The following CTNNA2 variants were observed in gnomAD, a reference collection of about 807,000 sequenced individuals.
The protein encoded by CTNNA2 is catenin alpha 2.
CTNNA2 carries 42 observed loss-of-function variants against 101.0 expected under a neutral mutation model. The ratio of observed to expected loss-of-function variants is 0.42; its 90% CI spans 0.32 to 0.54. The LOEUF (loss-of-function observed/expected upper bound fraction) is 0.54. Ranked by LOEUF, CTNNA2 falls within the 20% of genes least tolerant of loss-of-function variation. CTNNA2 has a pLI of 0.14. For missense variants in CTNNA2, 871 were observed against 1,223.1 expected, an observed-to-expected ratio of 0.71 and a Z score of 4.29; for synonymous variants, 450 against 456.4, an observed-to-expected ratio of 0.99 and a Z score of 0.18.
At chr2:80,099,508 G>T (rs952122016) in intron 7 of CTNNA2, among the ~76,000 whole-genome samples, 1 of 152,156 alleles carries the variant, frequency 6.6e-6, no homozygotes, top group Non-Finnish European at 1.5e-5. Context: ...TCATCCTGGA[G>T]ATGAATTTAC....
chr2:80,566,108 A>G (rs1356063832), intron 12 of CTNNA2, among the ~76,000 whole-genome samples: 1 of 152,208 alleles, frequency 6.6e-6, no homozygotes, highest in Non-Finnish European at 1.5e-5. Flanking sequence ...AGTTTTACTT[A>G]TGGCATAGCA....
chr2:80,472,050 C>T (rs1685348956), intron 9 of CTNNA2, among the ~76,000 whole-genome samples: 2 of 151,626 alleles, frequency 1.3e-5, no homozygotes, highest in African/African-American at 2.4e-5. Context: ...TTACTTGAAT[C>T]TGGGAGGCAG....
chr2:80,291,700 C>G (rs949842391), intron 7 of CTNNA2, among the ~76,000 whole-genome samples: 3 of 152,164 alleles, frequency 2.0e-5, no homozygotes, highest in Non-Finnish European at 4.4e-5. Context: ...AGTTTTTCAC[C>G]TCCAGGAATT....
chr2:79,831,731 A>T, intron 3 of CTNNA2, among the ~76,000 whole-genome samples: 2 of 142,978 alleles, frequency 1.4e-5, no homozygotes, highest in African/African-American at 5.5e-5. Context: ...GTGTTTATTC[A>T]CTGAGAGTAC....
At chr2:80,628,080 A>G (rs1198815517) in intron 18 of CTNNA2, among the ~76,000 whole-genome samples, 1 of 152,186 alleles carries the variant, frequency 6.6e-6, no homozygotes, top group Non-Finnish European at 1.5e-5. Flanking sequence ...CTCTTCAAGG[A>G]GAACTACAAA....
At chr2:80,180,083 G>A (rs182117241) in intron 7 of CTNNA2, among the ~76,000 whole-genome samples, 24 of 152,256 alleles carry the variant, frequency 1.6e-4, no homozygotes, top group Admixed American at 5.2e-4. Context: ...AGTAGTCCCC[G>A]AAAGTTCTGA....
At chr2:80,404,227 G>T (rs1367286933) in intron 8 of CTNNA2, among the ~76,000 whole-genome samples, 2 of 152,106 alleles carry the variant, frequency 1.3e-5, no homozygotes, top group African/African-American at 4.8e-5. Context: ...TTACATTTCT[G>T]TGGGGTCAGT....
At chr2:79,395,153 G>T (rs1267893069) in intron 4 of CTNNA2, among the ~76,000 whole-genome samples, 2 of 152,040 alleles carry the variant, frequency 1.3e-5, no homozygotes, top group Admixed American at 6.6e-5. Context: ...GGTAGCTAAG[G>T]TCACCACGAT....
chr2:79,951,352 A>C (rs1688866547), intron 7 of CTNNA2, among the ~76,000 whole-genome samples: 1 of 152,182 alleles, frequency 6.6e-6, no homozygotes, highest in Non-Finnish European at 1.5e-5. Flanking sequence ...CCCAATAATT[A>C]AATTTACCCC....
At position 79,201,096 on chromosome 2, in the gene CTNNA2, CT is replaced by C. The variant is rs372066926; in HGVS notation, c.-406+3027del. Among the ~76,000 whole-genome samples, 101 of 152,044 alleles carry C rather than the reference CT, an allele frequency of 6.6e-4. 1 individual carries two copies. In the South Asian group the frequency reaches 0.018, roughly 27 times the overall value. ...ATCAAAATAAAACATTTCCCCCCCC[CT>C]TTTTTTGTGGAAATTTAGCCACATC... On this transcript the variant is annotated intron_variant, in intron 2 of 21. Coordinates refer to the CTNNA2 transcript ENST00000466387.
intron 6 of CTNNA2, among the ~76,000 whole-genome samples, chr2:79,907,931 C>T (rs1574283600): frequency 1.3e-5 from 2 of 152,176 alleles, no homozygotes; most frequent in East Asian, 3.9e-4. Context: ...CTTCAACATT[C>T]TTGTGCCCAA....
intron 3 of CTNNA2, among the ~76,000 whole-genome samples, chr2:79,350,171 G>A (rs1188149684): frequency 6.6e-6 from 1 of 151,650 alleles, no homozygotes; most frequent in African/African-American, 2.4e-5. Flanking sequence ...TACATGTGGA[G>A]CTTTGTTAAA....
chr2:79,567,236 AGTT>A lies in CTNNA2; in HGVS notation c.-6+54035_-6+54037del, dbSNP rs1362976862. 7.2e-5 allele frequency among the ~76,000 whole-genome samples: 11 copies of A among 152,230 alleles called. No homozygotes were observed. The East Asian group carries it at 2.1e-3, about 29-fold the overall frequency. On this transcript the variant is annotated intron_variant, in intron 1 of 18. Transcript: ENST00000402739. The stretch of plus-strand genomic sequence containing the variant: ...GTGGTTCCTTTGCTGTTGTTGTTGA[AGTT>A]GTTGTCATTTGTAATGTGATCTCTT...
At chr2:79,414,437 G>T (rs910487441) in intron 4 of CTNNA2, among the ~76,000 whole-genome samples, 1 of 151,818 alleles carries the variant, frequency 6.6e-6, no homozygotes, top group Admixed American at 6.6e-5. Context: ...GTTATCAAAC[G>T]CTCATACACA....
At chr2:79,501,807 G>A (rs1671322473) in intron 4 of CTNNA2, among the ~76,000 whole-genome samples, 3 of 152,192 alleles carry the variant, frequency 2.0e-5, no homozygotes, top group South Asian at 4.1e-4. Context: ...ATGATCTTGT[G>A]TATATTTTAG....
At chr2:79,321,802 CA>C (rs1430575138) in intron 3 of CTNNA2, among the ~76,000 whole-genome samples, 3 of 121,486 alleles carry the variant, frequency 2.5e-5, no homozygotes, top group Non-Finnish European at 5.2e-5. Flanking sequence ...TGCACACACA[CA>C]CACACACACA....
chr2:79,270,568 C>A, intron 2 of CTNNA2, among the ~76,000 whole-genome samples: 1 of 152,054 alleles, frequency 6.6e-6, no homozygotes, highest in East Asian at 1.9e-4. Context: ...GGTGCCTATT[C>A]CCACAGCCCC....
At chr2:79,856,972 C>T (rs948885369) in intron 3 of CTNNA2, among the ~76,000 whole-genome samples, 2 of 152,174 alleles carry the variant, frequency 1.3e-5, no homozygotes, top group African/African-American at 4.8e-5. Context: ...AAATAAAAAT[C>T]TATTATTGTA....
chr2:79,446,962 C>G (rs575155990), intron 4 of CTNNA2, among the ~76,000 whole-genome samples: 13 of 151,900 alleles, frequency 8.6e-5, no homozygotes, highest in Non-Finnish European at 1.5e-4. Flanking sequence ...GTTATCAAAT[C>G]TGTCTTTTGT....
Sources: allele counts gnomAD v4.1 joint callset (sites outside exome capture counted in the v4.1 genomes callset), GRCh38; gene constraint gnomAD v4.1.1; transcripts MANE v1.5; gene names NCBI Gene and HGNC (gene_info 2026-07-23, HGNC 2026-07-21).